Variants in ZC3H13 observed in about 807,000 individuals in gnomAD.
ZC3H13 encodes zinc finger CCCH domain-containing protein 13.
Under a neutral mutation model 204.1 loss-of-function variants are expected in ZC3H13, and 64 were observed. That is an observed-to-expected ratio of 0.31 (90% CI 0.26 to 0.39). The LOEUF (loss-of-function observed/expected upper bound fraction) is 0.39. ZC3H13 is among the 10% of genes least tolerant of loss of function. ZC3H13 has a pLI of 1.00. For missense variants in ZC3H13, 1,833 were observed against 2,082.7 expected, an observed-to-expected ratio of 0.88 and a Z score of 2.33; for synonymous variants, 667 against 693.7, an observed-to-expected ratio of 0.96 and a Z score of 0.60.
At chr13:45,965,144 C>G (rs776256491) in intron 16 of ZC3H13, 136 bp downstream of exon 16, 13 of 1,084,232 alleles carry the variant, frequency 1.2e-5, no homozygotes, top group Non-Finnish European at 1.5e-5. Context: ...ATTTTATTGG[C>G]CTTTCAACCT....
At chr13:45,964,634 TAA>T (rs1420382560) in intron 16 of ZC3H13, among the ~76,000 whole-genome samples, 1 of 152,036 alleles carries the variant, frequency 6.6e-6, no homozygotes, top group Non-Finnish European at 1.5e-5. Context: ...TTGCAAAATA[TAA>T]GAGCAAATTA....
Position 45,973,797 on chromosome 13 carries a change from T to C in ZC3H13, c.2468+1486A>G, listed in dbSNP as rs574170129. On this transcript the variant is annotated intron_variant, in intron 12 of 18. Transcript: ENST00000679008. ...GTAGCGGGTGGGGAGGGTGGGAATA[T>C]GTACCTGTGCCTCCATGTGTTAAAA... Among the ~76,000 whole-genome samples the C allele has an allele frequency of 2.2e-4, 33 of 152,278 alleles. No homozygotes were observed. In the South Asian group the frequency reaches 6.0e-3, roughly 28 times the overall value.
chr13:46,024,841 A>C (rs996346830), intron 4 of ZC3H13, among the ~76,000 whole-genome samples: 6 of 152,010 alleles, frequency 3.9e-5, no homozygotes, highest in Non-Finnish European at 8.8e-5. Flanking sequence ...TATGTGATGA[A>C]TTCTGGAGAA....
chr13:46,038,362 G>A (rs2043344110), intron 4 of ZC3H13, among the ~76,000 whole-genome samples: 1 of 152,116 alleles, frequency 6.6e-6, no homozygotes, highest in Admixed American at 6.5e-5. Context: ...GGTTCTCCAG[G>A]TAATTACTTA....
chr13:45,985,786 C>T lies in ZC3H13; in HGVS notation c.1256-25G>A, dbSNP rs542152833. The T allele has an allele frequency of 5.8e-5, 90 of 1,551,070 alleles. No individual in the cohort carries two copies. The South Asian group carries it at 8.4e-4, about 15-fold the overall frequency. Reference sequence around the variant, plus strand: ...TCTGTAATGCAATTTTGGAAATTGACTGTAATTGCTTTTACAAAGTTTCAG... The same window carrying T: ...TCTGTAATGCAATTTTGGAAATTGATTGTAATTGCTTTTACAAAGTTTCAG... On this transcript the variant is annotated intron_variant, in intron 9 of 18. Coordinates refer to ENST00000679008, the MANE Select transcript of ZC3H13 (RefSeq NM_001330564.2).
chr13:46,005,767 G>A (rs1263428741), intron 7 of ZC3H13, among the ~76,000 whole-genome samples: 2 of 152,104 alleles, frequency 1.3e-5, no homozygotes, highest in African/African-American at 4.8e-5. Flanking sequence ...CCTATTCTAT[G>A]ATTTTCCATT....
chr13:45,966,739 G>C (rs1198859026), intron 15 of ZC3H13, among the ~76,000 whole-genome samples: 1 of 152,194 alleles, frequency 6.6e-6, no homozygotes. Flanking sequence ...GTGAAGAGAT[G>C]AATTTGAAAC....
intron 1 of ZC3H13, chr13:46,052,009 A>AAAAAAAAC (rs2044477505): frequency 1.3e-5 from 2 of 151,618 alleles, no homozygotes; most frequent in Admixed American, 6.6e-5. Flanking sequence ...AAAAAAAAAA[A>AAAAAAAAC]CAAGACCAAT....
At chr13:46,016,926 T>C (rs9534284) in intron 5 of ZC3H13, among the ~76,000 whole-genome samples, 69,157 of 151,802 alleles carry the variant, frequency 0.46, 16,467 homozygotes, top group African/African-American at 0.58. Context: ...TTCAATGGTA[T>C]TGGGTACATA....
intron 14 of ZC3H13, among the ~76,000 whole-genome samples, chr13:45,968,271 T>TA (rs565496035): frequency 8.7e-5 from 13 of 148,662 alleles, no homozygotes; most frequent in East Asian, 5.9e-4. Context: ...TTCTAATAAA[T>TA]AAAAAAAAAA....
At chr13:46,004,664 G>T (rs2041004267) in intron 7 of ZC3H13, among the ~76,000 whole-genome samples, 1 of 152,014 alleles carries the variant, frequency 6.6e-6, no homozygotes, top group Admixed American at 6.6e-5. Flanking sequence ...TGGCTTCCAG[G>T]TTTTCATCAT....
At chr13:46,043,334 T>C (rs944786633) in intron 3 of ZC3H13, among the ~76,000 whole-genome samples, 3 of 152,008 alleles carry the variant, frequency 2.0e-5, no homozygotes, top group African/African-American at 7.2e-5. Context: ...AATGTTTACA[T>C]GCACATGTAA....
chr13:45,958,792 C>G (rs1309379073), intron 18 of ZC3H13, among the ~76,000 whole-genome samples: 3 of 151,714 alleles, frequency 2.0e-5, no homozygotes, highest in African/African-American at 4.8e-5. Context: ...ATAGCTGGGA[C>G]TACAGATGCC....
chr13:45,967,245 T>C (rs1952167847), intron 15 of ZC3H13, among the ~76,000 whole-genome samples: 1 of 152,186 alleles, frequency 6.6e-6, no homozygotes, highest in Non-Finnish European at 1.5e-5. Flanking sequence ...ACACACTGCA[T>C]CTAAACAATC....
At chr13:46,016,727 T>C (rs118096454) in intron 5 of ZC3H13, among the ~76,000 whole-genome samples, 5,568 of 152,244 alleles carry the variant, frequency 0.037, 110 homozygotes, top group Non-Finnish European at 0.043. Context: ...TCTGAACGTA[T>C]AGTATACTTC....
intron 10 of ZC3H13, among the ~76,000 whole-genome samples, chr13:45,981,741 C>T (rs1953632546): frequency 6.6e-6 from 1 of 151,976 alleles, no homozygotes; most frequent in African/African-American, 2.4e-5. Context: ...GCCAGTGATG[C>T]ATCATTCTCA....
chr13:45,959,203 T>A (rs919784872), intron 18 of ZC3H13, among the ~76,000 whole-genome samples: 2 of 152,082 alleles, frequency 1.3e-5, no homozygotes, highest in African/African-American at 2.4e-5. Flanking sequence ...TCAATTTAAA[T>A]AAATTTTTGT....
intron 8 of ZC3H13, among the ~76,000 whole-genome samples, chr13:45,998,581 G>A (rs992878839): frequency 5.3e-5 from 8 of 151,946 alleles, no homozygotes; most frequent in African/African-American, 1.7e-4. Flanking sequence ...TCCAGGAGAT[G>A]GAGCTTGCAA....
At chr13:45,983,919 C>T (rs567192106) in intron 10 of ZC3H13, among the ~76,000 whole-genome samples, 1 of 152,206 alleles carries the variant, frequency 6.6e-6, no homozygotes, top group African/African-American at 2.4e-5. Flanking sequence ...TTACCATTTC[C>T]AGGTACCAAC....
Sources: allele counts gnomAD v4.1 joint callset (sites outside exome capture counted in the v4.1 genomes callset), GRCh38; gene constraint gnomAD v4.1.1; transcripts MANE v1.5; gene names NCBI Gene and HGNC (gene_info 2026-07-23, HGNC 2026-07-21).